IL21R: variants seen among roughly 807,000 people sequenced by gnomAD.
IL21R encodes the protein interleukin-21 receptor.
In IL21R, 14 loss-of-function variants were observed where a neutral mutation model predicts 41.3. The ratio of observed to expected loss-of-function variants is 0.34; its 90% CI spans 0.22 to 0.53. IL21R has a LOEUF of 0.53. IL21R is among the 20% of genes least tolerant of loss of function. The pLI is 0.94. For synonymous variants in IL21R, 286 were observed against 287.6 expected, an observed-to-expected ratio of 0.99 and a Z score of 0.05; for missense variants, 588 against 681.6, an observed-to-expected ratio of 0.86 and a Z score of 1.53.
At chr16:27,410,036 G>T (rs1740846578) in intron 1 of IL21R, among the ~76,000 whole-genome samples, 1 of 152,110 alleles carries the variant, frequency 6.6e-6, no homozygotes, top group Non-Finnish European at 1.5e-5. Flanking sequence ...AGGTTTCTGT[G>T]TAGAAGTCTT....
chr16:27,403,241 C>T (rs946446858), intron 1 of IL21R: 23 of 1,329,964 alleles, frequency 1.7e-5, no homozygotes, highest in Non-Finnish European at 2.2e-5. Flanking sequence ...AACCCAGTTC[C>T]CTGTGCATGT....
At chr16:27,446,180 C>T (rs1596597399) in intron 8 of IL21R, 92 bp downstream of exon 8, 2 of 1,024,714 alleles carry the variant, frequency 2.0e-6, no homozygotes, top group East Asian at 2.6e-5. Flanking sequence ...CAGCCTCACC[C>T]CACAGGCCTA....
intron 1 of IL21R, among the ~76,000 whole-genome samples, chr16:27,409,590 T>G (rs1264208956): frequency 7.3e-6 from 1 of 136,850 alleles, no homozygotes; most frequent in Non-Finnish European, 1.5e-5. Context: ...ATATGAATAT[T>G]CAATTAATAT....
In IL21R at chr16:27,450,161, G is replaced by T; in HGVS notation, c.*878G>T. On this transcript the variant is annotated 3_prime_UTR_variant, in exon 9 of 9. Transcript: ENST00000337929. ...CACCCGCGGGGCCGTCCCGCCTGCAGAGGGCCACTCGGGGGGGTTTCCAGG... is the reference window on the plus strand; with the variant it reads ...CACCCGCGGGGCCGTCCCGCCTGCATAGGGCCACTCGGGGGGGTTTCCAGG... The T allele has an allele frequency of 4.3e-6, 1 of 233,094 alleles. No homozygotes were observed. The highest frequency in any genetic ancestry group is 6.0e-5 in the East Asian group (1 of 16,566). 14.4% of individuals were successfully genotyped at this position (233,094 alleles called of 1,614,324 possible).
intron 1 of IL21R, among the ~76,000 whole-genome samples, chr16:27,406,057 C>G (rs1008638539): frequency 6.6e-6 from 1 of 152,394 alleles, no homozygotes; most frequent in African/African-American, 2.4e-5. Flanking sequence ...CTCTCTGGGC[C>G]TCCTTTCCCC....
chr16:27,451,045 G>C lies in IL21R; in HGVS notation c.*1762G>C, dbSNP rs1479215841. On this transcript the variant is annotated 3_prime_UTR_variant, in exon 9 of 9. Coordinates refer to ENST00000337929, the MANE Select transcript of IL21R (RefSeq NM_181078.3). ...CTGATGGTTATAAGAGTGGGACTGT[G>C]AGCCTGGGATCGGGGGGTGTGAGAC... is the stretch of plus-strand genomic sequence containing the variant. The C allele has an allele frequency of 1.3e-5, 3 of 233,478 alleles. No homozygotes were observed. Among genetic ancestry groups the C allele is most frequent in the African/African-American group, 2.2e-5 (1 of 45,368 alleles). 14.5% of individuals were successfully genotyped at this position (233,478 alleles called of 1,614,324 possible).
chr16:27,402,530 C>T lies in IL21R; in HGVS notation c.-105C>T, dbSNP rs548648350. On this transcript the variant is annotated 5_prime_UTR_variant, in exon 1 of 9. Coordinates refer to ENST00000337929, the MANE Select transcript of IL21R (RefSeq NM_181078.3). Reference sequence around the variant, plus strand: ...TTCTCAGACCCTCATCTGTCACCCCCACGCTGAACCCAGCTGCCACCCCCA... The same window carrying T: ...TTCTCAGACCCTCATCTGTCACCCCTACGCTGAACCCAGCTGCCACCCCCA... 1 of 153,962 alleles carries T rather than the reference C, an allele frequency of 6.5e-6. No homozygotes were observed. Among genetic ancestry groups the T allele is most frequent in the South Asian group, 2.0e-4 (1 of 4,978 alleles). 9.5% of individuals were successfully genotyped at this position (153,962 alleles called of 1,614,324 possible).
Position 27,437,573 on chromosome 16 carries a change from A to G in IL21R, c.238A>G (p.Thr80Ala), listed in dbSNP as rs200577530. ...SAHNATHATY[T>A]CHMDVFHFMA... is the part of the protein sequence containing the mutation. ...CCACAATGCCACGCATGCCACCTAC[A>G]CCTGCCACATGGATGTATTCCACTT... The change falls in exon 4 of 9, where the codon ACC becomes GCC. Residue 80 changes from threonine to alanine, a missense_variant. Thr to Ala is a moderately conservative substitution (Grantham distance 58, BLOSUM62 0). Coordinates refer to ENST00000337929, the MANE Select transcript of IL21R (RefSeq NM_181078.3). The G allele has an allele frequency of 1.9e-6, 3 of 1,609,316 alleles. No homozygotes were observed. The South Asian group carries it at 3.3e-5, about 18-fold the overall frequency.
At chr16:27,445,606 G>A (rs2087462159) in intron 7 of IL21R, among the ~76,000 whole-genome samples, 1 of 152,218 alleles carries the variant, frequency 6.6e-6, no homozygotes, top group African/African-American at 2.4e-5. Context: ...CCTCAGCTGT[G>A]ATCTTGTCCA....
At chr16:27,420,777 A>G (rs2086987368) in intron 1 of IL21R, among the ~76,000 whole-genome samples, 1 of 152,230 alleles carries the variant, frequency 6.6e-6, no homozygotes. Context: ...CTTTCTTGAT[A>G]GTATTTTTTG....
chr16:27,416,584 T>A (rs528612682), intron 1 of IL21R, among the ~76,000 whole-genome samples: 1 of 152,318 alleles, frequency 6.6e-6, no homozygotes, highest in Admixed American at 6.5e-5. Flanking sequence ...AATCTCTTAC[T>A]TATTTTTGTC....
chr16:27,449,271 C>G lies in IL21R; in HGVS notation c.1605C>G (p.Pro535=). The stretch of plus-strand genomic sequence containing the variant: ...CTCCGCCACTTTCGAGCCCTGGACC[C>G]CAGGCCAGCTAATGAGGCTGACTGG... ...VIPPPLSSPG[P]QAS is the part of the protein sequence containing the mutation. The change falls in exon 9 of 9, where the codon CCC becomes CCG. Residue 535 remains proline (P), a synonymous_variant. Transcript: ENST00000337929. The G allele has an allele frequency of 6.3e-7, 1 of 1,598,254 alleles. No individual in the cohort carries two copies. Among genetic ancestry groups the G allele is most frequent in the Non-Finnish European group, 8.5e-7 (1 of 1,172,386 alleles).
At chr16:27,429,588 A>G (rs572540364) in intron 1 of IL21R, among the ~76,000 whole-genome samples, 1 of 152,096 alleles carries the variant, frequency 6.6e-6, no homozygotes, top group Non-Finnish European at 1.5e-5. Flanking sequence ...CCTGGGCAAC[A>G]TAGCAAGATG....
rs1392576394 is a variant in IL21R, at chr16:27,402,488, C to T, written c.-147C>T. On this transcript the variant is annotated 5_prime_UTR_variant, in exon 1 of 9. Coordinates refer to ENST00000337929, the MANE Select transcript of IL21R (RefSeq NM_181078.3). Reference sequence around the variant, plus strand: ...CTCGGGCTGGGTGTGGATTCTCACCCCAGGCCTCTGCCTGCTTTCTCAGAC... The same window carrying T: ...CTCGGGCTGGGTGTGGATTCTCACCTCAGGCCTCTGCCTGCTTTCTCAGAC... The T allele has an allele frequency of 1.3e-5, 2 of 153,176 alleles. No homozygotes were observed. Among genetic ancestry groups the T allele is most frequent in the African/African-American group, 4.8e-5 (2 of 41,444 alleles). The allele number at this position is 153,176 out of a possible 1,614,324, so 9.5% of individuals were successfully genotyped here. A position where few individuals can be genotyped will look rare whatever the true frequency, so the allele number is the denominator to read the frequency against.
At chr16:27,445,309 G>C (rs1193757924) in intron 7 of IL21R, 33 bp downstream of exon 7, 1 of 1,416,576 alleles carries the variant, frequency 7.1e-7, no homozygotes, top group Non-Finnish European at 1.0e-6. Flanking sequence ...GCAGGGAGGT[G>C]GTCAGCCTGG....
At chr16:27,406,343 G>A (rs756963943) in intron 1 of IL21R, among the ~76,000 whole-genome samples, 18 of 152,264 alleles carry the variant, frequency 1.2e-4, no homozygotes, top group Admixed American at 1.1e-3. Context: ...TTTGGGCAAG[G>A]CTGCAGAGGA....
At chr16:27,421,732 T>C (rs1158033054) in intron 1 of IL21R, among the ~76,000 whole-genome samples, 1 of 152,144 alleles carries the variant, frequency 6.6e-6, no homozygotes, top group Non-Finnish European at 1.5e-5. Context: ...ATTTGTTTAT[T>C]AGCTCTAATT....
At position 27,431,317 on chromosome 16, in the gene IL21R, A is replaced by C. The variant is rs3093307; in HGVS notation, c.49+1197A>C. ...CCATGGCTCCACATCTGGCGGGTGC[A>C]GATAACAAGCCCTGGCTGCATGCAA... On this transcript the variant is annotated intron_variant, in intron 2 of 8. Coordinates refer to ENST00000337929, the MANE Select transcript of IL21R (RefSeq NM_181078.3). Among the ~76,000 whole-genome samples, 913 of 152,328 alleles carry C rather than the reference A, an allele frequency of 6.0e-3. 11 individuals are homozygous for C. Among genetic ancestry groups the C allele is most frequent in the African/African-American group, 0.021 (857 of 41,570 alleles).
intron 7 of IL21R, 112 bp downstream of exon 7, chr16:27,445,388 A>G: frequency 1.4e-6 from 1 of 728,460 alleles, no homozygotes; most frequent in Non-Finnish European, 2.4e-6. Context: ...AATGATGATG[A>G]TGGGATAATA....
Sources: allele counts gnomAD v4.1 joint callset (sites outside exome capture counted in the v4.1 genomes callset), GRCh38; gene constraint gnomAD v4.1.1; transcripts MANE v1.5; gene names NCBI Gene and HGNC (gene_info 2026-07-23, HGNC 2026-07-21).